Variants in SNX25 observed in about 807,000 individuals in gnomAD.
SNX25 encodes sorting nexin 25, also known as sorting nexin-25.
SNX25 carries 62 observed loss-of-function variants against 113.7 expected under a neutral mutation model. That is an observed-to-expected ratio of 0.55 (90% confidence interval 0.44 to 0.67). The LOEUF is 0.67. Among genes scored for constraint, SNX25 ranks in the 30% least tolerant of loss-of-function variants. The pLI, the probability that SNX25 is intolerant of heterozygous loss-of-function variation, is 0.00. For synonymous variants in SNX25, 421 were observed against 436.2 expected, an observed-to-expected ratio of 0.97 and a Z score of 0.43; for missense variants, 1,014 against 1,161.0, an observed-to-expected ratio of 0.87 and a Z score of 1.84.
intron 7 of SNX25, among the ~76,000 whole-genome samples, chr4:185,317,959 C>G (rs1008877805): frequency 6.6e-6 from 1 of 151,996 alleles, no homozygotes; most frequent in Admixed American, 6.6e-5. Flanking sequence ...AAAAAAGAAA[C>G]GTACTGGAAA....
intron 12 of SNX25, among the ~76,000 whole-genome samples, chr4:185,344,748 T>G (rs2095276898): frequency 6.6e-6 from 1 of 152,222 alleles, no homozygotes; most frequent in Non-Finnish European, 1.5e-5. Context: ...ATGAAATGTG[T>G]CTCTTTTCTT....
downstream of SNX25, among the ~76,000 whole-genome samples, chr4:185,372,347 T>C (rs979717738): frequency 6.6e-6 from 1 of 152,252 alleles, no homozygotes; most frequent in African/African-American, 2.4e-5. Context: ...AATTGTGCTA[T>C]CCAGTATGGT....
At chr4:185,263,919 G>A (rs2126538088) in intron 3 of SNX25, among the ~76,000 whole-genome samples, 1 of 152,308 alleles carries the variant, frequency 6.6e-6, no homozygotes, top group South Asian at 2.1e-4. Context: ...AAGACTGGTT[G>A]AAAAATACTT....
In SNX25 at chr4:185,238,601, G is replaced by C. The variant is rs76489014; in HGVS notation, c.430-8693G>C. The stretch of plus-strand genomic sequence containing the variant: ...ATGAGATCCCAGTAGATTGTCAGAT[G>C]CTGCATATACTTGGAGAGACTCAGC... On this transcript the variant is annotated intron_variant, in intron 1 of 18. Transcript: ENST00000652585. Among the ~76,000 whole-genome samples, 1,089 of 152,248 alleles carry C rather than the reference G, an allele frequency of 7.2e-3. 16 individuals carry two copies. The highest frequency in any genetic ancestry group is 0.024 in the African/African-American group (1,005 of 41,486).
At chr4:185,312,525 CTT>C (rs35806929) in intron 7 of SNX25, among the ~76,000 whole-genome samples, 24 of 139,822 alleles carry the variant, frequency 1.7e-4, no homozygotes, top group Admixed American at 1.4e-4. Context: ...TTGATTTGTT[CTT>C]TTTTTTTTTT....
intron 1 of SNX25, among the ~76,000 whole-genome samples, chr4:185,224,392 AATATATAAAAATATATAG>A (rs1282900833): frequency 1.1e-4 from 16 of 145,468 alleles, no homozygotes; most frequent in Non-Finnish European, 2.0e-4. Flanking sequence ...TAAATATATA[AATATATAAAAATATATAG>A]ATATATAAAA....
At chr4:185,355,108 C>A (rs1306766127) in intron 15 of SNX25, among the ~76,000 whole-genome samples, 1 of 152,210 alleles carries the variant, frequency 6.6e-6, no homozygotes, top group Non-Finnish European at 1.5e-5. Flanking sequence ...GAAAAAATTT[C>A]AAGTGCAACT....
chr4:185,322,021 T>TC (rs2126686990), intron 8 of SNX25, among the ~76,000 whole-genome samples: 1 of 152,342 alleles, frequency 6.6e-6, no homozygotes, highest in Non-Finnish European at 1.5e-5. Context: ...GAACCAATCT[T>TC]CCATAGATCC....
intron 3 of SNX25, among the ~76,000 whole-genome samples, chr4:185,263,148 G>A (rs78024971): frequency 0.015 from 2,330 of 152,286 alleles, 67 homozygotes; most frequent in African/African-American, 0.054. Flanking sequence ...TTTATTATCT[G>A]CCTTCCACTG....
chr4:185,378,245 T>C, the SNX25 span: 1 of 1,602,316 alleles, frequency 6.2e-7, no homozygotes, highest in South Asian at 1.1e-5. Flanking sequence ...TAGAAATTTC[T>C]TCCTCCAGCG....
chr4:185,361,525 T>G (rs1579937352), intron 16 of SNX25, among the ~76,000 whole-genome samples: 1 of 151,914 alleles, frequency 6.6e-6, no homozygotes, highest in Non-Finnish European at 1.5e-5. Context: ...ATCACCTGAG[T>G]TCAGGAGTTT....
In SNX25 at chr4:185,209,785, G is replaced by A; in HGVS notation, c.-42G>A. 1 of 984,054 alleles carries A rather than the reference G, an allele frequency of 1.0e-6. No homozygotes were observed. Among genetic ancestry groups the A allele is most frequent in the Non-Finnish European group, 1.2e-6 (1 of 829,422 alleles). The allele number at this position is 984,054 out of a possible 1,614,324, so 61.0% of individuals were successfully genotyped here. A position where few individuals can be genotyped will look rare whatever the true frequency, so the allele number is the denominator to read the frequency against. ...CTCCGGAGCGCCGGCGGGGGACCGG[G>A]GGGCAGGAGATGTGCCTGTCCTTAG... On this transcript the variant is annotated 5_prime_UTR_variant, in exon 1 of 19. Transcript: ENST00000652585. This position sits in a 1 kb window ranked among gnomAD's most constrained non-coding sequence, Gnocchi z 5.2.
intron 1 of SNX25, among the ~76,000 whole-genome samples, chr4:185,227,663 T>C (rs1235815893): frequency 1.3e-5 from 2 of 152,128 alleles, no homozygotes; most frequent in East Asian, 3.9e-4. Flanking sequence ...GTTAAATGTG[T>C]ACAGGTGCCC....
intron 16 of SNX25, among the ~76,000 whole-genome samples, chr4:185,359,904 A>G (rs2095354362): frequency 6.6e-6 from 1 of 152,148 alleles, no homozygotes; most frequent in Non-Finnish European, 1.5e-5. Context: ...CAGGCTGTCC[A>G]TTTCAGTGGG....
chr4:185,365,250 A>G (rs942189117), downstream of SNX25: 25 of 152,216 alleles, frequency 1.6e-4, no homozygotes, highest in Admixed American at 8.5e-4. Flanking sequence ...GTTACCATGT[A>G]TGGCACACGT....
chr4:185,364,964 T>C (rs2095381006), downstream of SNX25: 1 of 152,206 alleles, frequency 6.6e-6, no homozygotes, highest in Non-Finnish European at 1.5e-5. Context: ...AAATGTCATT[T>C]TTCCATGAGA....
the SNX25 span, among the ~76,000 whole-genome samples, chr4:185,376,275 A>G: frequency 6.6e-6 from 1 of 152,022 alleles, no homozygotes; most frequent in Non-Finnish European, 1.5e-5. Context: ...GATACCTGGT[A>G]ATACAAACAT....
chr4:185,207,201 C>G (rs1205400967), upstream of SNX25, among the ~76,000 whole-genome samples: 2 of 149,154 alleles, frequency 1.3e-5, no homozygotes, highest in African/African-American at 4.9e-5. Flanking sequence ...CTAAATTTAA[C>G]CAGTCACACT....
intron 2 of SNX25, among the ~76,000 whole-genome samples, chr4:185,249,468 T>A (rs946659862): frequency 6.6e-6 from 1 of 152,156 alleles, no homozygotes; most frequent in African/African-American, 2.4e-5. Flanking sequence ...TTTAAACTTA[T>A]AATTTATTTA....
Sources: gnomAD v4.1 joint callset for allele counts (sites outside exome capture counted in the v4.1 genomes callset) on GRCh38, gnomAD v4.1.1 for gene constraint, Gnocchi (gnomAD v3.1) non-coding constraint, MANE v1.5 for transcripts, NCBI Gene and HGNC (gene_info 2026-07-23, HGNC 2026-07-21) for gene names.